The following PKN3 variants were observed in gnomAD, a reference collection of about 807,000 sequenced individuals.
The protein encoded by PKN3 is protein kinase N3, also known as serine/threonine-protein kinase N3.
In PKN3, 91 loss-of-function variants were observed where a neutral mutation model predicts 113.1. The observed-to-expected ratio is 0.80, with a 90% CI of 0.68 to 0.96. The LOEUF is 0.96. PKN3 is among the 40% of genes least tolerant of loss of function. The pLI is 0.00. For synonymous variants in PKN3, 467 were observed against 499.0 expected (o/e 0.94, Z 0.85); for missense variants, 1,052 against 1,202.2 (o/e 0.88, Z 1.85).
At chr9:128,718,769 C>T (rs1185845227) in intron 18 of PKN3, 144 bp downstream of exon 18, 1 of 740,366 alleles carries the variant, frequency 1.4e-6, no homozygotes, top group East Asian at 2.6e-5. Context: ...TTCCAGGGGA[C>T]AGCTGGGCAC....
Position 128,714,629 on chromosome 9 carries a change from T to C in PKN3, c.1549T>C (p.Tyr517His), listed in dbSNP as rs1274584259. Residue 517 changes from tyrosine (Y) to histidine (H), a missense_variant, in exon 12 of 22, where the codon TAC (tyrosine) becomes CAC (histidine). By Grantham distance (83) the Tyr-to-His change is moderately conservative. This residue lies in a region of PKN3 where 719 missense variants were observed against 759.4 expected (regional missense o/e 0.95). Coordinates refer to ENST00000291906, the MANE Select transcript of PKN3 (RefSeq NM_013355.5). ...MTPPPKPPRL[Y>H]LPQEPTSEET... ...ACCCCCACCCAAGCCCCCACGCCTC[T>C]ACCTCCCCCAGGAGCCAACATCCGA... The C allele has an allele frequency of 7.0e-7, 1 of 1,418,552 alleles. No individual in the cohort carries two copies. Among genetic ancestry groups the C allele is most frequent in the South Asian group, 1.1e-5 (1 of 87,220 alleles). 87.9% of individuals were successfully genotyped at this position (1,418,552 alleles called of 1,614,324 possible).
Position 128,714,616 on chromosome 9 carries a change from GC to G in PKN3, c.1541del (p.Pro514HisfsTer49). Reference sequence around the variant, plus strand: ...GTGAAGAGATGACACCCCCACCCAAGCCCCCACGCCTCTACCTCCCCCAGGA... The same window carrying G: ...GTGAAGAGATGACACCCCCACCCAAGCCCCACGCCTCTACCTCCCCCAGGA... ...LGEEMTPPPK[P>X]PRLYLPQEPT... is the part of the protein sequence containing the mutation. On this transcript the variant is annotated frameshift_variant, in exon 12 of 22. Transcript: ENST00000291906. LOFTEE classifies it high-confidence loss of function. The G allele has an allele frequency of 2.8e-6, 4 of 1,444,132 alleles. No homozygotes were observed. The highest frequency in any genetic ancestry group is 3.9e-6 in the Non-Finnish European group (4 of 1,025,250). 89.5% of individuals were successfully genotyped at this position (1,444,132 alleles called of 1,614,324 possible). A position where few individuals can be genotyped will look rare whatever the true frequency, so the allele number is the denominator to read the frequency against.
chr9:128,703,265 C>A (rs1861908311), intron 1 of PKN3: 1 of 647,166 alleles, frequency 1.5e-6, no homozygotes, highest in Non-Finnish European at 1.9e-6. Flanking sequence ...CGGTTCTCCT[C>A]GGTGGGGCTC....
chr9:128,720,227 C>T lies in PKN3; in HGVS notation c.2401C>T (p.Arg801Cys), dbSNP rs138407169. 8.7e-6 allele frequency: 14 copies of T among 1,613,840 alleles called. No individual in the cohort carries two copies. Among genetic ancestry groups the T allele is most frequent in the South Asian group, 2.2e-5 (2 of 91,074 alleles). The part of the protein sequence containing the change: ...QKLLQKCPEK[R>C]LGAGEQDAEE... ...GCTCCTCCAGAAGTGCCCGGAGAAG[C>T]GCCTCGGGGCAGGTGAGCAGGATGC... Residue 801 changes from arginine to cysteine, a missense_variant, in exon 21 of 22, where the codon CGC (arginine) becomes TGC (cysteine). By Grantham distance (180) the Arg-to-Cys change is radical (BLOSUM62 -3). Around this residue, in one of 2 missense-constraint regions of PKN3, gnomAD observed 333 missense variants for 442.8 expected, o/e 0.75. Transcript: ENST00000291906. This position sits in a 1 kb window ranked among gnomAD's most constrained non-coding sequence, Gnocchi z 5.5.
At position 128,714,678 on chromosome 9, in the gene PKN3, G is replaced by T. The variant is rs755042425; in HGVS notation, c.1584+14G>T. 4 of 1,347,088 alleles carry T rather than the reference G, an allele frequency of 3.0e-6. No homozygotes were observed. The highest frequency in any genetic ancestry group is 4.3e-6 in the Non-Finnish European group (4 of 937,084). The allele number at this position is 1,347,088 out of a possible 1,614,324, so 83.4% of individuals were successfully genotyped here. A position where few individuals can be genotyped will look rare whatever the true frequency, so the allele number is the denominator to read the frequency against. ...GAGGAGACTCCGGTGAGGGGCTGGA[G>T]GGACTAGTGGCTCCTAGGGCCGGCT... On this transcript the variant is annotated intron_variant, in intron 12 of 21. Coordinates refer to ENST00000291906, the MANE Select transcript of PKN3 (RefSeq NM_013355.5).
chr9:128,714,581 AC>A lies in PKN3; in HGVS notation c.1506del (p.Leu503TrpfsTer5). The A allele has an allele frequency of 3.2e-6, 4 of 1,252,782 alleles. No homozygotes were observed. The highest frequency in any genetic ancestry group is 4.7e-6 in the Non-Finnish European group (4 of 850,454). 77.6% of individuals were successfully genotyped at this position (1,252,782 alleles called of 1,614,324 possible). A position where few individuals can be genotyped will look rare whatever the true frequency, so the allele number is the denominator to read the frequency against. On this transcript the variant is annotated frameshift_variant, in exon 12 of 22. Transcript: ENST00000291906. LOFTEE classifies it high-confidence loss of function. Reference sequence around the variant, plus strand: ...CTACAGTAATTTCCTGCCCAAGAAGACCCCCTTGGGTGAAGAGATGACACCC... The same window carrying A: ...CTACAGTAATTTCCTGCCCAAGAAGACCCCTTGGGTGAAGAGATGACACCC... ...ATPSNFLPKK[T>X]PLGEEMTPPP...
chr9:128,703,440 C>T, intron 1 of PKN3: 1 of 985,052 alleles, frequency 1.0e-6, no homozygotes, highest in Non-Finnish European at 1.2e-6. Flanking sequence ...AGGGGAGCGG[C>T]CTCCCCCGCC....
chr9:128,702,895 C>G lies in PKN3; in HGVS notation c.-21C>G. On this transcript the variant is annotated 5_prime_UTR_variant, in exon 1 of 22. Coordinates refer to ENST00000291906, the MANE Select transcript of PKN3 (RefSeq NM_013355.5). Reference sequence around the variant, plus strand: ...GACCGGAGTGGCTGAGAGAAGGGCCCCAAGCGGCCGGAGCGGCGCCATGGA... The same window carrying G: ...GACCGGAGTGGCTGAGAGAAGGGCCGCAAGCGGCCGGAGCGGCGCCATGGA... 2.7e-6 allele frequency: 4 copies of G among 1,482,380 alleles called. No homozygotes were observed. 91.8% of individuals were successfully genotyped at this position (1,482,380 alleles called of 1,614,324 possible).
chr9:128,710,947 T>C (rs903577903), intron 6 of PKN3, among the ~76,000 whole-genome samples: 3 of 151,540 alleles, frequency 2.0e-5, no homozygotes, highest in African/African-American at 2.4e-5. Context: ...TCCTGTCCCC[T>C]GGCTAAACAC....
At chr9:128,704,265 G>T in intron 1 of PKN3, 3 of 543,576 alleles carry the variant, frequency 5.5e-6, no homozygotes, top group Non-Finnish European at 7.0e-6. Context: ...TCCAACCTGG[G>T]TGAAGCCGTG....
intron 16 of PKN3, 102 bp from the exon 17 acceptor site, chr9:128,718,223 G>A (rs1288281559): frequency 1.1e-5 from 9 of 856,586 alleles, no homozygotes; most frequent in African/African-American, 5.0e-5. Context: ...GACTCTGGCC[G>A]GGACATCCGG....
At chr9:128,708,762 G>C (rs1369404141) in intron 6 of PKN3, among the ~76,000 whole-genome samples, 1 of 151,656 alleles carries the variant, frequency 6.6e-6, no homozygotes, top group East Asian at 1.9e-4. Flanking sequence ...AGAATTGCTT[G>C]AACCTGGGAG....
intron 1 of PKN3, chr9:128,704,010 T>G (rs967750473): frequency 1.0e-6 from 1 of 985,312 alleles, no homozygotes; most frequent in Admixed American, 6.1e-5. Flanking sequence ...TTCCTGAGCC[T>G]CGCCCTTGCC....
intron 8 of PKN3, 54 bp downstream of exon 8, chr9:128,713,441 C>T: frequency 1.2e-6 from 2 of 1,612,498 alleles, no homozygotes; most frequent in Non-Finnish European, 1.7e-6. Flanking sequence ...GGGTGGAAGG[C>T]TGCCCAGGTC....
At position 128,720,556 on chromosome 9, in the gene PKN3, G is replaced by A. The variant is rs1174765476; in HGVS notation, c.2620G>A (p.Ala874Thr). 1.9e-6 allele frequency: 3 copies of A among 1,613,352 alleles called. No individual in the cohort carries two copies. Among genetic ancestry groups the A allele is most frequent in the Non-Finnish European group, 2.5e-6 (3 of 1,180,018 alleles). ...CAGCCTCCTCACTGCCCGCCAACAG[G>A]CCGCCTTCCGGGACTTCGACTTTGT... ...PHSLLTARQQAAFRDFDFVSE... is the reference protein window; with the variant it reads ...PHSLLTARQQTAFRDFDFVSE... The change falls in exon 22 of 22, where the codon GCC becomes ACC. Residue 874 changes from alanine (A) to threonine (T), a missense_variant. Physicochemically the swap from Ala to Thr is moderately conservative, Grantham distance 58. Coordinates refer to ENST00000291906, the MANE Select transcript of PKN3 (RefSeq NM_013355.5). This position sits in a 1 kb window ranked among gnomAD's most constrained non-coding sequence, Gnocchi z 5.5.
At chr9:128,716,135 G>A (rs1436755592) in intron 15 of PKN3, among the ~76,000 whole-genome samples, 1 of 151,566 alleles carries the variant, frequency 6.6e-6, no homozygotes, top group African/African-American at 2.4e-5. Flanking sequence ...GGTGAAACCC[G>A]CCTCTACAAA....
Position 128,713,345 on chromosome 9 carries a change from C to G in PKN3, c.1050C>G (p.Ala350=). 2 of 1,614,058 alleles carry G rather than the reference C, an allele frequency of 1.2e-6. No individual in the cohort carries two copies. Among genetic ancestry groups the G allele is most frequent in the Non-Finnish European group, 1.7e-6 (2 of 1,180,006 alleles). The change falls in exon 8 of 22, where the codon GCC becomes GCG. Residue 350 remains alanine (A), a synonymous_variant. Coordinates refer to ENST00000291906, the MANE Select transcript of PKN3 (RefSeq NM_013355.5). The stretch of plus-strand genomic sequence containing the variant: ...GGCAGACGGGCTGGGGGCAGGTGGC[C>G]GAACAGTCCTGGGACCAGACCTTTG... The part of the protein sequence containing the change: ...VVGQTGWGQV[A]EQSWDQTFVI...
At chr9:128,705,648 T>C in intron 2 of PKN3, 86 bp from the exon 3 acceptor site, 2 of 1,539,146 alleles carry the variant, frequency 1.3e-6, no homozygotes, top group Non-Finnish European at 1.8e-6. Context: ...TTCCTGCCTA[T>C]AGATCAGTAG....
At chr9:128,716,101 G>C (rs961872226) in intron 15 of PKN3, among the ~76,000 whole-genome samples, 3 of 151,768 alleles carry the variant, frequency 2.0e-5, no homozygotes, top group African/African-American at 7.3e-5. Flanking sequence ...GAGCCCAGGA[G>C]TTCGAGGCCA....
Sources: gnomAD v4.1 joint callset for allele counts (sites outside exome capture counted in the v4.1 genomes callset) on GRCh38, gnomAD v4.1.1 for gene constraint, gnomAD v4.1.1 regional missense constraint, Gnocchi (gnomAD v3.1) non-coding constraint, MANE v1.5 for transcripts, NCBI Gene and HGNC (gene_info 2026-07-23, HGNC 2026-07-21) for gene names.